Variants in ULK4 observed in about 807,000 individuals in gnomAD.
The protein encoded by ULK4 is unc-51 like kinase 4.
Under a neutral mutation model 160.6 loss-of-function variants are expected in ULK4, and 133 were observed. That is an observed-to-expected ratio of 0.83 (90% CI 0.72 to 0.96). The LOEUF (loss-of-function observed/expected upper bound fraction) is 0.96, where lower values mean the gene tolerates loss of function less well. Ranked by LOEUF, ULK4 falls within the 40% of genes least tolerant of loss-of-function variation. The probability of loss-of-function intolerance (pLI) is 0.00; values close to 1 mark genes in which losing one functional copy is unlikely to be tolerated. For missense variants in ULK4, 1,580 were observed against 1,499.5 expected, an observed-to-expected ratio of 1.05 and a Z score of -0.89; for synonymous variants, 534 against 539.8, an observed-to-expected ratio of 0.99 and a Z score of 0.15.
intron 18 of ULK4, among the ~76,000 whole-genome samples, chr3:41,832,292 T>C (rs1010799818): frequency 6.6e-6 from 1 of 152,246 alleles, no homozygotes; most frequent in Non-Finnish European, 1.5e-5. Flanking sequence ...TAATCATCAG[T>C]GATAATGAGC....
rs548381383 is a variant in ULK4, at chr3:41,445,488, A to G, written c.3492+10009T>C. On this transcript the variant is annotated intron_variant, in intron 34 of 36. Transcript: ENST00000301831. ...ACTTCAAACTATGCTACAAGGCTAC[A>G]GTAACCAAAACAGCATGGTACTGGT... 2.0e-5 allele frequency among the ~76,000 whole-genome samples: 3 copies of G among 152,340 alleles called. No individual in the cohort carries two copies. The South Asian group carries it at 6.2e-4, about 32-fold the overall frequency.
At chr3:41,546,896 C>A (rs964728460) in intron 32 of ULK4, among the ~76,000 whole-genome samples, 1 of 151,900 alleles carries the variant, frequency 6.6e-6, no homozygotes, top group Non-Finnish European at 1.5e-5. Flanking sequence ...CTGGCCTCTG[C>A]TGATTTTGAC....
intron 34 of ULK4, among the ~76,000 whole-genome samples, chr3:41,450,562 A>T (rs1226418374): frequency 6.6e-6 from 1 of 152,236 alleles, no homozygotes; most frequent in Admixed American, 6.5e-5. Context: ...TCAAAAGCTA[A>T]CAAGTTCATT....
chr3:41,261,462 T>G (rs2078940548), intron 35 of ULK4, among the ~76,000 whole-genome samples: 1 of 152,132 alleles, frequency 6.6e-6, no homozygotes, highest in African/African-American at 2.4e-5. Context: ...ACTCATCCCT[T>G]GAGACCACGG....
chr3:41,665,657 G>T (rs541105846), intron 29 of ULK4, among the ~76,000 whole-genome samples: 1 of 152,028 alleles, frequency 6.6e-6, no homozygotes, highest in Admixed American at 6.6e-5. Context: ...CTTAGGAAAT[G>T]AGTTAATATA....
intron 35 of ULK4, among the ~76,000 whole-genome samples, chr3:41,372,099 A>G (rs543256723): frequency 9.9e-5 from 15 of 152,160 alleles, no homozygotes; most frequent in East Asian, 3.9e-4. Context: ...TAGAGAAAAA[A>G]GAATGAAAAG....
chr3:41,589,078 T>C (rs1195246424), intron 31 of ULK4, among the ~76,000 whole-genome samples: 1 of 151,388 alleles, frequency 6.6e-6, no homozygotes, highest in African/African-American at 2.4e-5. Context: ...GGATATGCAA[T>C]TACCCTACCT....
intron 20 of ULK4, among the ~76,000 whole-genome samples, chr3:41,792,892 T>C (rs996650940): frequency 3.3e-5 from 5 of 152,192 alleles, no homozygotes; most frequent in African/African-American, 7.2e-5. Context: ...AAATAGAGTA[T>C]GGCCGGGCGC....
chr3:41,622,649 T>C lies in ULK4; in HGVS notation c.3072-6932A>G, dbSNP rs2033312835. On this transcript the variant is annotated intron_variant, in intron 30 of 36. Coordinates refer to ENST00000301831, the MANE Select transcript of ULK4 (RefSeq NM_017886.4). ...AACATTAGGACAAATACCTAATGCA[T>C]GCAGAGCTTAAAACCGAGATGATGG... Among the ~76,000 whole-genome samples, 3 of 151,872 alleles carry C rather than the reference T, an allele frequency of 2.0e-5. No individual in the cohort carries two copies. In the South Asian group the frequency reaches 6.2e-4, roughly 32 times the overall value.
chr3:41,868,526 C>T lies in ULK4; in HGVS notation c.1656+15348G>A, dbSNP rs1189503166. ...GTTTTGAGACGGAGTCTCACTCTGTCGCCCAGGCTGGAGTGCAGTAGTGGG... is the reference window on the plus strand; with the variant it reads ...GTTTTGAGACGGAGTCTCACTCTGTTGCCCAGGCTGGAGTGCAGTAGTGGG... On this transcript the variant is annotated intron_variant, in intron 17 of 36. Coordinates refer to ENST00000301831, the MANE Select transcript of ULK4 (RefSeq NM_017886.4). 2.0e-5 allele frequency among the ~76,000 whole-genome samples: 3 copies of T among 152,134 alleles called. No individual in the cohort carries two copies. The East Asian group carries it at 5.8e-4, about 29-fold the overall frequency.
intron 12 of ULK4, among the ~76,000 whole-genome samples, chr3:41,903,905 C>T (rs552818609): frequency 2.0e-5 from 3 of 150,538 alleles, no homozygotes; most frequent in African/African-American, 7.3e-5. Context: ...TGAACACAAT[C>T]ATGCCAATAT....
intron 21 of ULK4, among the ~76,000 whole-genome samples, chr3:41,764,551 C>G (rs1375884959): frequency 2.0e-5 from 3 of 152,162 alleles, no homozygotes; most frequent in Non-Finnish European, 4.4e-5. Flanking sequence ...GGCAACAGAG[C>G]AAGACCCTGT....
At chr3:41,624,109 C>T (rs931160671) in intron 30 of ULK4, among the ~76,000 whole-genome samples, 9 of 152,196 alleles carry the variant, frequency 5.9e-5, no homozygotes, top group South Asian at 2.1e-4. Context: ...AAGGCTCAGA[C>T]GTGAGGCTGA....
chr3:41,460,402 T>C (rs1433661675), intron 33 of ULK4, among the ~76,000 whole-genome samples: 1 of 152,218 alleles, frequency 6.6e-6, no homozygotes, highest in Admixed American at 6.5e-5. Flanking sequence ...CTGCAGCATG[T>C]AATACCTTTC....
chr3:41,353,098 C>T (rs1222000849), intron 35 of ULK4, among the ~76,000 whole-genome samples: 2 of 152,160 alleles, frequency 1.3e-5, no homozygotes, highest in Non-Finnish European at 2.9e-5. Context: ...AACAATTTGA[C>T]TTTGGCCTGT....
chr3:41,269,673 T>C (rs555451445), intron 35 of ULK4, among the ~76,000 whole-genome samples: 19 of 152,324 alleles, frequency 1.2e-4, no homozygotes, highest in African/African-American at 3.6e-4. Flanking sequence ...AATTATTATA[T>C]AGATTATCTA....
intron 35 of ULK4, among the ~76,000 whole-genome samples, chr3:41,324,480 T>G (rs568677438): frequency 6.6e-6 from 1 of 152,324 alleles, no homozygotes; most frequent in African/African-American, 2.4e-5. Context: ...TGCCTTATTT[T>G]GCCAGGAAAA....
At position 41,530,764 on chromosome 3, in the gene ULK4, T is replaced by G. The variant is rs542528830; in HGVS notation, c.3226+35261A>C. ...CTCAATAATGAAGTAAAATGAATTT[T>G]TATTTATTTATATTTTTGGAGACGG... On this transcript the variant is annotated intron_variant, in intron 32 of 36. Coordinates refer to ENST00000301831, the MANE Select transcript of ULK4 (RefSeq NM_017886.4). Among the ~76,000 whole-genome samples the G allele has an allele frequency of 5.3e-5, 8 of 152,276 alleles. No homozygotes were observed. In the South Asian group the frequency reaches 8.3e-4, roughly 16 times the overall value.
At chr3:41,408,164 C>T (rs2082331937) in intron 34 of ULK4, among the ~76,000 whole-genome samples, 1 of 151,742 alleles carries the variant, frequency 6.6e-6, no homozygotes, top group Non-Finnish European at 1.5e-5. Context: ...CACGGTGGCT[C>T]ATGCCTGTAA....
Sources: gnomAD v4.1 joint callset for allele counts (sites outside exome capture counted in the v4.1 genomes callset) on GRCh38, gnomAD v4.1.1 for gene constraint, MANE v1.5 for transcripts, NCBI Gene and HGNC (gene_info 2026-07-23, HGNC 2026-07-21) for gene names.